UGGT2: variants seen among roughly 807,000 people sequenced by gnomAD.
UGGT2 encodes the protein UDP-glucose glycoprotein glucosyltransferase 2.
UGGT2 carries 180 observed loss-of-function variants against 192.1 expected under a neutral mutation model. The observed-to-expected ratio is 0.94, with a 90% CI of 0.83 to 1.06. The LOEUF (loss-of-function observed/expected upper bound fraction) is 1.06. Among genes scored for constraint, UGGT2 ranks in the 50% least tolerant of loss-of-function variants. The pLI, the probability that UGGT2 is intolerant of heterozygous loss-of-function variation, is 0.00. For synonymous variants in UGGT2, 580 were observed against 591.0 expected, an observed-to-expected ratio of 0.98 and a Z score of 0.27; for missense variants, 1,849 against 1,795.7, an observed-to-expected ratio of 1.03 and a Z score of -0.54.
At chr13:95,858,002 T>G (rs1370055297) in intron 33 of UGGT2, among the ~76,000 whole-genome samples, 4 of 150,360 alleles carry the variant, frequency 2.7e-5, no homozygotes, top group Admixed American at 6.6e-5. Context: ...TTTTTCTGTT[T>G]TTTTTTTTTT....
At chr13:95,865,559 G>A (rs1890583357) in intron 30 of UGGT2, among the ~76,000 whole-genome samples, 1 of 152,192 alleles carries the variant, frequency 6.6e-6, no homozygotes, top group South Asian at 2.1e-4. Flanking sequence ...AGTTACTCAG[G>A]GGGCTGAGGC....
chr13:95,947,253 T>TA, intron 14 of UGGT2, 81 bp from the exon 15 acceptor site: 2 of 1,296,744 alleles, frequency 1.5e-6, no homozygotes, highest in Non-Finnish European at 1.0e-6. Flanking sequence ...GTTATTAGAC[T>TA]ACAATATCTA....
intron 10 of UGGT2, chr13:95,983,589 G>C (rs147998216): frequency 1.6e-6 from 1 of 626,586 alleles, no homozygotes; most frequent in African/African-American, 1.8e-5. Flanking sequence ...AGAAATTCTG[G>C]AATATACTGT....
chr13:95,912,053 C>T (rs1431426003), intron 20 of UGGT2, among the ~76,000 whole-genome samples: 1 of 152,116 alleles, frequency 6.6e-6, no homozygotes, highest in African/African-American at 2.4e-5. Context: ...ATGCTAAAAA[C>T]TCTCAATAAA....
intron 38 of UGGT2, among the ~76,000 whole-genome samples, chr13:95,814,703 T>C (rs1172811450): frequency 6.6e-6 from 1 of 152,228 alleles, no homozygotes; most frequent in Non-Finnish European, 1.5e-5. Context: ...AAGTCTCATC[T>C]GAGGCAATCT....
intron 24 of UGGT2, among the ~76,000 whole-genome samples, chr13:95,891,501 C>A (rs1025187412): frequency 2.6e-5 from 4 of 151,846 alleles, no homozygotes; most frequent in Non-Finnish European, 5.9e-5. Flanking sequence ...TATCTTTCAC[C>A]GATAAAAGTT....
intron 26 of UGGT2, among the ~76,000 whole-genome samples, chr13:95,886,975 A>G (rs1376836315): frequency 6.6e-6 from 1 of 152,180 alleles, no homozygotes; most frequent in East Asian, 1.9e-4. Context: ...AAATCACCTG[A>G]GCCTGAGAAG....
intron 12 of UGGT2, among the ~76,000 whole-genome samples, chr13:95,960,199 C>A (rs1484441571): frequency 6.6e-6 from 1 of 152,162 alleles, no homozygotes; most frequent in Non-Finnish European, 1.5e-5. Context: ...GGAACATAAG[C>A]AATCTCCAAA....
At position 95,824,697 on chromosome 13, in the gene UGGT2, A is replaced by T. The variant is rs1011379814; in HGVS notation, c.4528+8230T>A. 5.3e-5 allele frequency among the ~76,000 whole-genome samples: 8 copies of T among 152,078 alleles called. No homozygotes were observed. The East Asian group carries it at 1.5e-3, about 29-fold the overall frequency. On this transcript the variant is annotated intron_variant, in intron 38 of 38. Transcript: ENST00000376747. ...TTCATTCATATCCTGAATTTTAAAA[A>T]AATTATGTTGGTTTTCACCTTTCTG...
At chr13:95,807,814 C>A (rs187454769) in intron 38 of UGGT2, among the ~76,000 whole-genome samples, 1 of 148,334 alleles carries the variant, frequency 6.7e-6, no homozygotes, top group African/African-American at 2.5e-5. Context: ...AACATCTGGG[C>A]AGTTTTCTCC....
At chr13:95,934,780 A>C (rs1217765387) in intron 17 of UGGT2, among the ~76,000 whole-genome samples, 1 of 152,166 alleles carries the variant, frequency 6.6e-6, no homozygotes, top group Non-Finnish European at 1.5e-5. Flanking sequence ...AAGTGGTGGG[A>C]TTACAGGCAT....
chr13:96,001,399 T>G (rs1028081015), intron 5 of UGGT2, among the ~76,000 whole-genome samples: 2 of 151,926 alleles, frequency 1.3e-5, no homozygotes, highest in Admixed American at 6.6e-5. Flanking sequence ...GTAATTTTCC[T>G]TTACCTGCCC....
intron 4 of UGGT2, among the ~76,000 whole-genome samples, chr13:96,015,253 G>C (rs956333359): frequency 2.7e-5 from 4 of 148,776 alleles, no homozygotes; most frequent in Non-Finnish European, 4.4e-5. Context: ...ACTCCAGTCT[G>C]GGCAACAGAG....
At chr13:96,022,537 TA>T (rs1278913126) in intron 4 of UGGT2, among the ~76,000 whole-genome samples, 1 of 151,504 alleles carries the variant, frequency 6.6e-6, no homozygotes, top group Non-Finnish European at 1.5e-5. Context: ...ACTACTTTAT[TA>T]TTTTTTAAAG....
Position 95,927,338 on chromosome 13 carries a change from T to C in UGGT2, c.1978-2A>G. 1.3e-6 allele frequency: 2 copies of C among 1,592,428 alleles called. No individual in the cohort carries two copies. Among genetic ancestry groups the C allele is most frequent in the Non-Finnish European group, 1.7e-6 (2 of 1,173,372 alleles). ...ATTCGTGCGATCATTTAATGTGCCC[T>C]AAAAAAACAAAAATGTTATTTAGAT... On this transcript the variant is annotated splice_acceptor_variant, in intron 17 of 38. Transcript: ENST00000376747. LOFTEE classifies it high-confidence loss of function.
At chr13:95,922,060 T>G (rs2048861055) in intron 20 of UGGT2, among the ~76,000 whole-genome samples, 1 of 152,148 alleles carries the variant, frequency 6.6e-6, no homozygotes, top group Non-Finnish European at 1.5e-5. Context: ...ATAAAGAAAA[T>G]GTGACTCATA....
intron 38 of UGGT2, among the ~76,000 whole-genome samples, chr13:95,807,715 C>CTTTTTTTTTTTTTT (rs200081851): frequency 1.0e-4 from 5 of 48,038 alleles, no homozygotes; most frequent in Non-Finnish European, 2.1e-4. Context: ...TCAGCCCTCA[C>CTTTTTTTTTTTTTT]CTTTTTTTTT....
intron 20 of UGGT2, among the ~76,000 whole-genome samples, chr13:95,909,163 T>C (rs1469885270): frequency 6.6e-6 from 1 of 152,138 alleles, no homozygotes; most frequent in African/African-American, 2.4e-5. Flanking sequence ...GCTTTCTACA[T>C]ATGGCTAGCC....
intron 22 of UGGT2, among the ~76,000 whole-genome samples, chr13:95,900,020 T>G (rs545827956): frequency 2.0e-5 from 3 of 152,292 alleles, no homozygotes; most frequent in Admixed American, 2.0e-4. Context: ...TGTTGATTTC[T>G]TAATAAACCT....
Sources: allele counts gnomAD v4.1 joint callset (sites outside exome capture counted in the v4.1 genomes callset), GRCh38; gene constraint gnomAD v4.1.1; transcripts MANE v1.5; gene names NCBI Gene and HGNC (gene_info 2026-07-23, HGNC 2026-07-21).